The following SPHK2 variants were observed in gnomAD, a reference collection of about 807,000 sequenced individuals.
SPHK2 encodes the protein sphingosine kinase 2.
In SPHK2, 18 loss-of-function variants were observed where a neutral mutation model predicts 32.3. That is an observed-to-expected ratio of 0.56 (90% CI 0.39 to 0.83). The LOEUF (loss-of-function observed/expected upper bound fraction) is 0.83. Ranked by LOEUF, SPHK2 falls within the 40% of genes least tolerant of loss-of-function variation. The pLI, the probability that SPHK2 is intolerant of heterozygous loss-of-function variation, is 0.00. For missense variants in SPHK2, 850 were observed against 908.7 expected (o/e 0.94, Z 0.83); for synonymous variants, 462 against 417.6 (o/e 1.11, Z -1.30).
chr19:48,626,226 C>T lies in SPHK2; in HGVS notation c.375C>T (p.Arg125=), dbSNP rs370483434. The change falls in exon 3 of 7, where the codon CGC becomes CGT. Residue 125 remains arginine (R), a synonymous_variant. Coordinates refer to ENST00000245222, the MANE Select transcript of SPHK2 (RefSeq NM_020126.5). ...TCTACACCTACCCTCGGGGCCGGCG[C>T]GGGGCCCGGCGCAGAGCCACTCGCA... ...FCIYTYPRGR[R]GARRRATRTF... The T allele has an allele frequency of 1.7e-4, 266 of 1,594,512 alleles. No homozygotes were observed. Among genetic ancestry groups the T allele is most frequent in the Middle Eastern group, 8.3e-4 (5 of 6,042 alleles).
chr19:48,619,961 C>A (rs150206541), intron 1 of SPHK2, among the ~76,000 whole-genome samples: 1 of 152,078 alleles, frequency 6.6e-6, no homozygotes, highest in East Asian at 1.9e-4. Flanking sequence ...TGAGATGGGG[C>A]CTTGCAAGGC....
intron 2 of SPHK2, among the ~76,000 whole-genome samples, chr19:48,621,260 A>G (rs927332831): frequency 1.3e-5 from 2 of 152,000 alleles, no homozygotes; most frequent in Admixed American, 6.6e-5. Flanking sequence ...TGTATTTTTC[A>G]TAGAGATGAG....
intron 2 of SPHK2, chr19:48,624,316 C>T (rs551595796): frequency 4.9e-4 from 74 of 152,534 alleles, no homozygotes; most frequent in Non-Finnish European, 7.9e-4. Context: ...ATTGGTGCGG[C>T]CCAGGCCGGC....
In SPHK2 at chr19:48,628,810, T is replaced by A. The variant is rs1162004841; in HGVS notation, c.1002T>A (p.Ser334=). ...GCTCCCGCTGTTTCTCCTTCCTGTCTGTGGCCTGGGGCTTCGTGTCAGATG... is the reference window on the plus strand; with the variant it reads ...GCTCCCGCTGTTTCTCCTTCCTGTCAGTGGCCTGGGGCTTCGTGTCAGATG... ...ASGSRCFSFL[S]VAWGFVSDVD... The change falls in exon 7 of 7, where the codon TCT becomes TCA. Residue 334 remains serine (S), a synonymous_variant. Transcript: ENST00000245222. The surrounding 1 kb of genome is among the most constrained non-coding windows in gnomAD (Gnocchi z 5.2). 6.2e-7 allele frequency: 1 copy of A among 1,613,636 alleles called. No individual in the cohort carries two copies. The highest frequency in any genetic ancestry group is 8.5e-7 in the Non-Finnish European group (1 of 1,180,028).
At position 48,627,858 on chromosome 19, in the gene SPHK2, A is replaced by G. The variant is rs760569496; in HGVS notation, c.661+17A>G. Reference sequence around the variant, plus strand: ...TCCAGACAGGTAAGGGCCAGTGAGAATGGGAGCTGGGGGCTGGGACAGCTG... The same window carrying G: ...TCCAGACAGGTAAGGGCCAGTGAGAGTGGGAGCTGGGGGCTGGGACAGCTG... On this transcript the variant is annotated intron_variant, in intron 4 of 6. Coordinates refer to ENST00000245222, the MANE Select transcript of SPHK2 (RefSeq NM_020126.5). 1 of 1,602,626 alleles carries G rather than the reference A, an allele frequency of 6.2e-7. No individual in the cohort carries two copies.
chr19:48,629,620 G>C lies in SPHK2; in HGVS notation c.1812G>C (p.Ala604=), dbSNP rs1344040101. The C allele has an allele frequency of 6.3e-7, 1 of 1,599,418 alleles. No homozygotes were observed. ...SLGCPQLGYA[A]ARAFRLEPLT... is the part of the protein sequence containing the mutation. Reference sequence around the variant, plus strand: ...GCTGTCCGCAGCTGGGCTACGCCGCGGCCCGTGCCTTCCGCCTAGAGCCGC... The same window carrying C: ...GCTGTCCGCAGCTGGGCTACGCCGCCGCCCGTGCCTTCCGCCTAGAGCCGC... Residue 604 remains alanine (A), a synonymous_variant, in exon 7 of 7, where the codon GCG becomes GCC. Transcript: ENST00000245222.
In SPHK2 at chr19:48,629,142, C is replaced by T. The variant is rs749894278; in HGVS notation, c.1334C>T (p.Ser445Phe). Reference protein sequence around the residue: ...PGSPEPLPILSLNGGGPELAG... With the variant: ...PGSPEPLPILFLNGGGPELAG... ...TCGCCAGAACCCCTGCCCATCCTGT[C>T]CCTCAACGGTGGGGGCCCAGAGCTG... Residue 445 changes from serine to phenylalanine, a missense_variant, in exon 7 of 7, where the codon TCC becomes TTC. Transcript: ENST00000245222. The T allele has an allele frequency of 1.9e-6, 3 of 1,613,450 alleles. No individual in the cohort carries two copies. In the South Asian group the frequency reaches 3.3e-5, roughly 18 times the overall value.
At position 48,628,587 on chromosome 19, in the gene SPHK2, G is replaced by A. The variant is rs560069956; in HGVS notation, c.873-94G>A. 14 of 1,490,662 alleles carry A rather than the reference G, an allele frequency of 9.4e-6. No individual in the cohort carries two copies. Among genetic ancestry groups the A allele is most frequent in the East Asian group, 6.8e-5 (3 of 43,966 alleles). 92.3% of individuals were successfully genotyped at this position (1,490,662 alleles called of 1,614,324 possible). A position where few individuals can be genotyped will look rare whatever the true frequency, so the allele number is the denominator to read the frequency against. ...GTGGTGGGCCTGGGCCATGGCCTTC[G>A]TGGTCTCATTGCCAGCTGCTTTCCT... On this transcript the variant is annotated intron_variant, in intron 6 of 6. Transcript: ENST00000245222. This position sits in a 1 kb window ranked among gnomAD's most constrained non-coding sequence, Gnocchi z 5.2.
At position 48,620,388 on chromosome 19, in the gene SPHK2, C is replaced by G. The variant is rs1434591593; in HGVS notation, c.-113-14C>G. 1.4e-6 allele frequency: 1 copy of G among 698,594 alleles called. No individual in the cohort carries two copies. Among genetic ancestry groups the G allele is most frequent in the Non-Finnish European group, 2.3e-6 (1 of 427,684 alleles). The allele number at this position is 698,594 out of a possible 1,614,324, so 43.3% of individuals were successfully genotyped here. A position where few individuals can be genotyped will look rare whatever the true frequency, so the allele number is the denominator to read the frequency against. On this transcript the variant is annotated splice_polypyrimidine_tract_variant and intron_variant, in intron 1 of 6. Transcript: ENST00000245222. ...GGCTGTCAATGCTGCTCCTCACTTA[C>G]CTCTCCTCCACAGAGCTGAAGGTCA... is the stretch of plus-strand genomic sequence containing the variant.
chr19:48,625,544 T>G, intron 2 of SPHK2: 2 of 1,285,970 alleles, frequency 1.6e-6, no homozygotes, highest in African/African-American at 1.5e-5. Flanking sequence ...TTTCAATCCT[T>G]TCTCTTGTTT....
At chr19:48,622,968 A>AGT (rs1262171512) in intron 2 of SPHK2, among the ~76,000 whole-genome samples, 19 of 151,084 alleles carry the variant, frequency 1.3e-4, no homozygotes, top group Admixed American at 1.3e-3. Flanking sequence ...GTTTTGGACC[A>AGT]GTGAGGTGGC....
chr19:48,629,445 C>T lies in SPHK2; in HGVS notation c.1637C>T (p.Pro546Leu). 1 of 1,609,368 alleles carries T rather than the reference C, an allele frequency of 6.2e-7. No individual in the cohort carries two copies. Among genetic ancestry groups the T allele is most frequent in the South Asian group, 1.1e-5 (1 of 90,762 alleles). Reference protein sequence around the residue: ...GDFVLMLAISPSHLGADLVAA... With the variant: ...GDFVLMLAISLSHLGADLVAA... ...TTTGTGCTCATGTTGGCCATCTCGC[C>T]CAGCCACCTAGGCGCTGACCTGGTG... Residue 546 changes from proline (P) to leucine (L), a missense_variant, in exon 7 of 7, where the codon CCC becomes CTC. Physicochemically the swap from Pro to Leu is moderately conservative, Grantham distance 98. Transcript: ENST00000245222.
rs775347116 is a variant in SPHK2 at position 48,629,747 on chromosome 19, C to T, written c.1939C>T (p.Pro647Ser). The stretch of plus-strand genomic sequence containing the variant: ...CATCGGTACACTGCTCACTGGGCCT[C>T]CTGGCTGCCCGGGGCGGGAGCCCTG... ...PGIGTLLTGPPGCPGREP is the reference protein window; with the variant it reads ...PGIGTLLTGPSGCPGREP Residue 647 changes from proline (P) to serine (S), a missense_variant, in exon 7 of 7, where the codon CCT becomes TCT. This residue lies in a region of SPHK2 where 306 missense variants were observed against 268.6 expected (regional missense o/e 1.14). Transcript: ENST00000245222. 37 of 1,585,004 alleles carry T rather than the reference C, an allele frequency of 2.3e-5. No individual in the cohort carries two copies. Among genetic ancestry groups the T allele is most frequent in the Non-Finnish European group, 3.2e-5 (37 of 1,162,486 alleles).
In SPHK2 at chr19:48,619,516, GGA is replaced by G. The variant is rs1197901353; in HGVS notation, c.-139_-138del. On this transcript the variant is annotated 5_prime_UTR_variant, in exon 1 of 7. Transcript: ENST00000245222. ...CGCCGACGGCCTCTCAGTGGCTCCC[GGA>G]GGACCCGGCGGGCCCAGTGTTGGAG... The G allele has an allele frequency of 6.8e-6, 2 of 295,102 alleles. No individual in the cohort carries two copies. The highest frequency in any genetic ancestry group is 1.3e-5 in the Non-Finnish European group (2 of 154,442). The allele number at this position is 295,102 out of a possible 1,614,324, so 18.3% of individuals were successfully genotyped here. A position where few individuals can be genotyped will look rare whatever the true frequency, so the allele number is the denominator to read the frequency against.
At chr19:48,627,629 G>A in intron 3 of SPHK2, 63 bp from the exon 4 acceptor site, 1 of 1,510,554 alleles carries the variant, frequency 6.6e-7, no homozygotes, top group Non-Finnish European at 8.9e-7. Flanking sequence ...CTGATGAAGG[G>A]ACTGTTTCCA....
At position 48,630,034 on chromosome 19, in the gene SPHK2, G is replaced by T. The variant is rs1431183542; in HGVS notation, c.*261G>T. The T allele has an allele frequency of 7.5e-7, 1 of 1,339,228 alleles. No individual in the cohort carries two copies. Among genetic ancestry groups the T allele is most frequent in the African/African-American group, 1.5e-5 (1 of 68,184 alleles). 83.0% of individuals were successfully genotyped at this position (1,339,228 alleles called of 1,614,324 possible). ...GCGTCTGATCTGGGGCCGCCCTTAC[G>T]GGGCAGGGCTCAGTCCTGACGCTTG... On this transcript the variant is annotated 3_prime_UTR_variant, in exon 7 of 7. Coordinates refer to ENST00000245222, the MANE Select transcript of SPHK2 (RefSeq NM_020126.5). The surrounding 1 kb of genome is among the most constrained non-coding windows in gnomAD (Gnocchi z 4.9).
In SPHK2 at chr19:48,626,096, A is replaced by C; in HGVS notation, c.245A>C (p.Lys82Thr). ...QALHIQRLRP[K>T]PEARPRGGLV... ...CTGCACATACAGCGGCTGCGCCCCA[A>C]ACCTGAAGCCAGGCCCCGGGGTGGC... The change falls in exon 3 of 7, where the codon AAA (lysine) becomes ACA (threonine). Residue 82 changes from lysine (K) to threonine (T), a missense_variant. Lys to Thr is a moderately conservative substitution (Grantham distance 78). Around this residue, in one of 2 missense-constraint regions of SPHK2, gnomAD observed 544 missense variants for 640.0 expected, o/e 0.85. Transcript: ENST00000245222. 6.2e-7 allele frequency: 1 copy of C among 1,611,992 alleles called. No individual in the cohort carries two copies. The highest frequency in any genetic ancestry group is 8.5e-7 in the Non-Finnish European group (1 of 1,179,192).
rs778430152 is a variant in SPHK2 at position 48,626,272 on chromosome 19, G to T, written c.421G>T (p.Ala141Ser). ...ATRTFRADGAATYEENRAEAQ... is the reference protein window; with the variant it reads ...ATRTFRADGASTYEENRAEAQ... The stretch of plus-strand genomic sequence containing the variant: ...TCGCACCTTCCGGGCAGATGGGGCC[G>T]CCACCTACGAAGAGAACCGTGCCGA... Residue 141 changes from alanine to serine, a missense_variant, in exon 3 of 7, where the codon GCC becomes TCC. Physicochemically the swap from Ala to Ser is moderately conservative, Grantham distance 99 (BLOSUM62 1). Coordinates refer to ENST00000245222, the MANE Select transcript of SPHK2 (RefSeq NM_020126.5). 22 of 1,593,368 alleles carry T rather than the reference G, an allele frequency of 1.4e-5. No individual in the cohort carries two copies. The African/African-American group carries it at 2.4e-4, about 17-fold the overall frequency.
chr19:48,623,812 C>T (rs1401863767), intron 2 of SPHK2: 3 of 152,332 alleles, frequency 2.0e-5, no homozygotes, highest in African/African-American at 7.2e-5. Context: ...TTTCTTGTAT[C>T]CTTACCTTGC....
Sources: gnomAD v4.1 joint callset for allele counts (sites outside exome capture counted in the v4.1 genomes callset) on GRCh38, gnomAD v4.1.1 for gene constraint, gnomAD v4.1.1 regional missense constraint, Gnocchi (gnomAD v3.1) non-coding constraint, MANE v1.5 for transcripts, NCBI Gene and HGNC (gene_info 2026-07-23, HGNC 2026-07-21) for gene names.